The following TP63 variants were observed in gnomAD, a reference collection of about 807,000 sequenced individuals.
TP63 encodes the protein tumor protein p63.
A neutral mutation model predicts 82.8 loss-of-function variants in TP63; 17 were observed. That is an observed-to-expected ratio of 0.21 (90% CI 0.14 to 0.31). TP63 has a LOEUF of 0.31. Ranked by LOEUF, TP63 falls within the 10% of genes least tolerant of loss-of-function variation. The pLI is 1.00. For synonymous variants in TP63, 330 were observed against 321.7 expected (o/e 1.03, Z -0.28); for missense variants, 648 against 895.3 (o/e 0.72, Z 3.52).
chr3:189,896,740 G>A lies in TP63; in HGVS notation c.*2238G>A. ...ACTGTGTCTCATGGATTTGGCACTA[G>A]CCAAAGCGAGGCACCCTTACTGGCT... On this transcript the variant is annotated 3_prime_UTR_variant, in exon 14 of 14. Coordinates refer to ENST00000264731, the MANE Select transcript of TP63 (RefSeq NM_003722.5). 1 of 203,708 alleles carries A rather than the reference G, an allele frequency of 4.9e-6. No individual in the cohort carries two copies. Among genetic ancestry groups the A allele is most frequent in the East Asian group, 7.6e-5 (1 of 13,224 alleles). The allele number at this position is 203,708 out of a possible 1,614,324, so 12.6% of individuals were successfully genotyped here. A position where few individuals can be genotyped will look rare whatever the true frequency, so the allele number is the denominator to read the frequency against.
chr3:189,656,829 T>C (rs1713412573), intron 1 of TP63, among the ~76,000 whole-genome samples: 1 of 152,036 alleles, frequency 6.6e-6, no homozygotes, highest in Non-Finnish European at 1.5e-5. Context: ...ATCACCAAAA[T>C]GTATGTCTCC....
intron 4 of TP63, among the ~76,000 whole-genome samples, chr3:189,838,880 G>T (rs1713533663): frequency 6.6e-6 from 1 of 151,756 alleles, no homozygotes; most frequent in Non-Finnish European, 1.5e-5. Context: ...TCAGCAATTT[G>T]CCTATAGGAT....
At chr3:189,628,468 A>G (rs1013164046), upstream of TP63, among the ~76,000 whole-genome samples, 6 of 152,122 alleles carry the variant, frequency 3.9e-5, no homozygotes, top group Non-Finnish European at 7.4e-5. Flanking sequence ...CAAGAAGAAC[A>G]AAGTGTCCCT....
At chr3:189,705,149 G>A (rs979817177) in intron 1 of TP63, among the ~76,000 whole-genome samples, 5 of 152,160 alleles carry the variant, frequency 3.3e-5, no homozygotes, top group Non-Finnish European at 5.9e-5. Context: ...CAATGCTCAA[G>A]CTATCTGAGA....
intron 4 of TP63, among the ~76,000 whole-genome samples, chr3:189,819,067 C>A (rs539511922): frequency 6.6e-6 from 1 of 152,258 alleles, no homozygotes; most frequent in South Asian, 2.1e-4. Flanking sequence ...AGCAGATTGA[C>A]CAACATGTAA....
At chr3:189,736,617 C>T (rs966370978) in intron 1 of TP63, among the ~76,000 whole-genome samples, 11 of 152,246 alleles carry the variant, frequency 7.2e-5, no homozygotes, top group South Asian at 4.1e-4. Context: ...GTATTATACA[C>T]TTTTTATTTC....
At chr3:189,764,152 A>G (rs1206323348) in intron 3 of TP63, among the ~76,000 whole-genome samples, 1 of 152,164 alleles carries the variant, frequency 6.6e-6, no homozygotes, top group African/African-American at 2.4e-5. Flanking sequence ...CCTCTGGCAC[A>G]CTGTTCTTTG....
chr3:189,776,803 G>A (rs1363175012), intron 3 of TP63, among the ~76,000 whole-genome samples: 4 of 152,152 alleles, frequency 2.6e-5, no homozygotes, highest in African/African-American at 9.7e-5. Flanking sequence ...GTGACAGTTG[G>A]GTGGACTTGG....
In TP63 at chr3:189,895,216, T is replaced by C. The variant is rs1721380290; in HGVS notation, c.*714T>C. 2 of 221,430 alleles carry C rather than the reference T, an allele frequency of 9.0e-6. No individual in the cohort carries two copies. The highest frequency in any genetic ancestry group is 1.2e-4 in the Admixed American group (2 of 17,332). 13.7% of individuals were successfully genotyped at this position (221,430 alleles called of 1,614,324 possible). ...TTTCTTCTAGTGATGATGGTTCACG[T>C]TGGGGTGATTTAATCCAGTTATAAG... On this transcript the variant is annotated 3_prime_UTR_variant, in exon 14 of 14. Transcript: ENST00000264731.
chr3:189,712,491 T>C (rs1033123361), intron 1 of TP63, among the ~76,000 whole-genome samples: 2 of 152,112 alleles, frequency 1.3e-5, no homozygotes, highest in Non-Finnish European at 2.9e-5. Flanking sequence ...GAGCACCAGC[T>C]TTTTCATAGG....
intron 3 of TP63, among the ~76,000 whole-genome samples, chr3:189,739,582 C>T (rs1430594154): frequency 6.6e-6 from 1 of 152,132 alleles, no homozygotes; most frequent in Non-Finnish European, 1.5e-5. Flanking sequence ...AAAACTAATA[C>T]ATGAAACAGG....
intron 4 of TP63, among the ~76,000 whole-genome samples, chr3:189,848,916 G>A (rs937024674): frequency 1.3e-5 from 2 of 152,070 alleles, no homozygotes; most frequent in African/African-American, 4.8e-5. Context: ...GTTCAGAATG[G>A]GGGTCTGGTC....
At chr3:189,685,946 C>G (rs563258466) in intron 1 of TP63, among the ~76,000 whole-genome samples, 1 of 152,276 alleles carries the variant, frequency 6.6e-6, no homozygotes, top group Non-Finnish European at 1.5e-5. Context: ...TACTGCTTTG[C>G]TCTGGGAATC....
chr3:189,652,747 T>C (rs150165178), intron 1 of TP63, among the ~76,000 whole-genome samples: 6,195 of 146,690 alleles, frequency 0.042, 599 homozygotes, highest in Non-Finnish European at 0.054. Context: ...GTGGAGATAA[T>C]TGAATCATGG....
At chr3:189,813,621 T>C (rs1727830871) in intron 4 of TP63, among the ~76,000 whole-genome samples, 3 of 152,128 alleles carry the variant, frequency 2.0e-5, no homozygotes, top group South Asian at 4.1e-4. Flanking sequence ...TGTTTTGTTT[T>C]TTAAATTGTG....
At chr3:189,687,689 A>G (rs530731536) in intron 1 of TP63, among the ~76,000 whole-genome samples, 1 of 152,344 alleles carries the variant, frequency 6.6e-6, no homozygotes, top group East Asian at 1.9e-4. Context: ...GGGCGACTGG[A>G]CAATGTGCCC....
intron 1 of TP63, among the ~76,000 whole-genome samples, chr3:189,702,735 G>C (rs2108742290): frequency 6.6e-6 from 1 of 152,172 alleles, no homozygotes; most frequent in East Asian, 1.9e-4. Context: ...ACATGAATTT[G>C]AGTTTTACCT....
intron 4 of TP63, among the ~76,000 whole-genome samples, chr3:189,824,524 T>C (rs914606549): frequency 6.6e-6 from 1 of 152,146 alleles, no homozygotes; most frequent in Non-Finnish European, 1.5e-5. Context: ...TGAGCCACCG[T>C]GCCTAGCCTG....
intron 1 of TP63, among the ~76,000 whole-genome samples, chr3:189,664,967 T>C (rs1714250665): frequency 6.6e-6 from 1 of 152,138 alleles, no homozygotes; most frequent in African/African-American, 2.4e-5. Context: ...ACAAACCAAT[T>C]GTGAAATATA....
Sources: gnomAD v4.1 joint callset for allele counts (sites outside exome capture counted in the v4.1 genomes callset) on GRCh38, gnomAD v4.1.1 for gene constraint, MANE v1.5 for transcripts, NCBI Gene and HGNC (gene_info 2026-07-23, HGNC 2026-07-21) for gene names.